Variants in ULK4 observed in about 807,000 individuals in gnomAD.
The protein encoded by ULK4 is inactive serine/threonine-protein kinase ULK4.
A neutral mutation model predicts 160.6 loss-of-function variants in ULK4; 133 were observed. That is an observed-to-expected ratio of 0.83 (90% confidence interval 0.72 to 0.96). The LOEUF (loss-of-function observed/expected upper bound fraction) is 0.96. Among genes scored for constraint, ULK4 ranks in the 40% least tolerant of loss-of-function variants. ULK4 has a pLI of 0.00. For synonymous variants in ULK4, 534 were observed against 539.8 expected, an observed-to-expected ratio of 0.99 and a Z score of 0.15; for missense variants, 1,580 against 1,499.5, an observed-to-expected ratio of 1.05 and a Z score of -0.89.
intron 34 of ULK4, 144 bp from the exon 35 acceptor site, chr3:41,398,408 G>A: frequency 1.3e-6 from 1 of 765,174 alleles, no homozygotes; most frequent in Non-Finnish European, 2.0e-6. Flanking sequence ...TTTTGAGACA[G>A]GGTCCCACTC....
chr3:41,711,194 G>C (rs377479534), intron 25 of ULK4, among the ~76,000 whole-genome samples: 3 of 152,184 alleles, frequency 2.0e-5, no homozygotes, highest in Non-Finnish European at 4.4e-5. Flanking sequence ...AAGTGCTAAA[G>C]GAATGCTGAG....
intron 17 of ULK4, among the ~76,000 whole-genome samples, chr3:41,848,298 T>C (rs1277746277): frequency 1.3e-5 from 2 of 152,202 alleles, no homozygotes; most frequent in African/African-American, 2.4e-5. Context: ...TTTAAAAAGT[T>C]TGGAGATACT....
chr3:41,778,253 A>T (rs1448684862), intron 21 of ULK4, among the ~76,000 whole-genome samples: 11 of 57,058 alleles, frequency 1.9e-4, no homozygotes, highest in Non-Finnish European at 2.8e-4. Context: ...AGAGAATAAA[A>T]TACCTAGGAA....
chr3:41,296,432 G>A (rs543601985), intron 35 of ULK4, among the ~76,000 whole-genome samples: 4 of 152,164 alleles, frequency 2.6e-5, no homozygotes, highest in African/African-American at 9.7e-5. Context: ...AGCCTGGTGC[G>A]TGCTCGAGGC....
intron 32 of ULK4, among the ~76,000 whole-genome samples, chr3:41,492,361 G>A (rs1183726034): frequency 3.3e-5 from 5 of 151,692 alleles, no homozygotes; most frequent in African/African-American, 1.2e-4. Context: ...GTGTAAAAGT[G>A]TTCCTATTTC....
intron 35 of ULK4, among the ~76,000 whole-genome samples, chr3:41,291,670 A>G (rs1038374420): frequency 5.9e-5 from 9 of 152,278 alleles, no homozygotes; most frequent in Non-Finnish European, 1.3e-4. Flanking sequence ...TAAAATAAAG[A>G]AACTAATCTA....
chr3:41,400,030 T>A (rs1295841950), intron 34 of ULK4, among the ~76,000 whole-genome samples: 1 of 152,158 alleles, frequency 6.6e-6, no homozygotes, highest in African/African-American at 2.4e-5. Context: ...TGCATGTGAA[T>A]TAAACTTTTA....
At chr3:41,394,815 C>G (rs774299513) in intron 35 of ULK4, among the ~76,000 whole-genome samples, 67 of 152,184 alleles carry the variant, frequency 4.4e-4, no homozygotes, top group Non-Finnish European at 8.4e-4. Context: ...CTTGGCCCAA[C>G]ACTGACTGAC....
At chr3:41,582,669 T>C (rs1430949284) in intron 31 of ULK4, among the ~76,000 whole-genome samples, 3 of 152,220 alleles carry the variant, frequency 2.0e-5, no homozygotes, top group Admixed American at 2.0e-4. Flanking sequence ...AACTAGGCTC[T>C]ACCTCTCTGG....
intron 31 of ULK4, among the ~76,000 whole-genome samples, chr3:41,597,796 C>T (rs556563651): frequency 6.6e-6 from 1 of 152,134 alleles, no homozygotes; most frequent in Non-Finnish European, 1.5e-5. Context: ...AAAACACAAA[C>T]TTAGAGATTT....
intron 31 of ULK4, among the ~76,000 whole-genome samples, chr3:41,601,234 C>T (rs9820109): frequency 0.05 from 7,661 of 152,006 alleles, 451 homozygotes; most frequent in African/African-American, 0.14. Context: ...TTATATAATC[C>T]TACTCTAATA....
intron 30 of ULK4, among the ~76,000 whole-genome samples, chr3:41,619,516 C>T (rs2033140600): frequency 6.6e-6 from 1 of 152,168 alleles, no homozygotes; most frequent in South Asian, 2.1e-4. Context: ...TCCTGAACGA[C>T]TACTGGGTAA....
At chr3:41,326,922 T>C (rs2080349521) in intron 35 of ULK4, among the ~76,000 whole-genome samples, 1 of 152,222 alleles carries the variant, frequency 6.6e-6, no homozygotes, top group Non-Finnish European at 1.5e-5. Flanking sequence ...TTAAGGACAC[T>C]GTGGCAATGT....
intron 17 of ULK4, among the ~76,000 whole-genome samples, chr3:41,843,693 C>T (rs185020889): frequency 2.0e-5 from 3 of 152,108 alleles, no homozygotes; most frequent in Non-Finnish European, 4.4e-5. Context: ...TGAGCAGCAG[C>T]AAGATTTATT....
intron 17 of ULK4, among the ~76,000 whole-genome samples, chr3:41,852,290 C>A (rs767512104): frequency 3.3e-5 from 5 of 152,024 alleles, no homozygotes; most frequent in Admixed American, 1.3e-4. Flanking sequence ...GGATTCACAG[C>A]CGAAAACTAC....
intron 31 of ULK4, among the ~76,000 whole-genome samples, chr3:41,584,282 A>T (rs1158840200): frequency 6.6e-6 from 1 of 152,200 alleles, no homozygotes; most frequent in Non-Finnish European, 1.5e-5. Context: ...CATAACATTT[A>T]GTGAAGATAT....
chr3:41,582,190 C>T (rs187922706), intron 31 of ULK4, among the ~76,000 whole-genome samples: 7 of 152,164 alleles, frequency 4.6e-5, no homozygotes, highest in African/African-American at 1.2e-4. Flanking sequence ...AAGGAGAAAC[C>T]GCTTTCGTTT....
chr3:41,408,301 G>A (rs1449115621), intron 34 of ULK4, among the ~76,000 whole-genome samples: 6 of 151,102 alleles, frequency 4.0e-5, no homozygotes, highest in Admixed American at 3.3e-4. Flanking sequence ...GGTGGCGGGC[G>A]CCTGTAGTCC....
At position 41,896,869 on chromosome 3, in the gene ULK4, C is replaced by T. The variant is rs200876874; in HGVS notation, c.1483G>A (p.Val495Met). 307 of 1,613,412 alleles carry T rather than the reference C, an allele frequency of 1.9e-4. 1 individual carries two copies. The African/African-American group carries it at 3.3e-3, about 17-fold the overall frequency. ...KLNLLCYLCV[V>M]AGHQEVATRL... The stretch of plus-strand genomic sequence containing the variant: ...GTGGCCACCTCCTGGTGACCAGCCA[C>T]CACGCACAAATAGCAAAGGAGATTC... Residue 495 changes from valine (V) to methionine (M), a missense_variant, in exon 15 of 37, where the codon GTG becomes ATG. Coordinates refer to ENST00000301831, the MANE Select transcript of ULK4 (RefSeq NM_017886.4).
Sources: gnomAD v4.1 joint callset for allele counts (sites outside exome capture counted in the v4.1 genomes callset) on GRCh38, gnomAD v4.1.1 for gene constraint, MANE v1.5 for transcripts, NCBI Gene and HGNC (gene_info 2026-07-23, HGNC 2026-07-21) for gene names.